The following GPHN variants were observed in gnomAD, a reference collection of about 807,000 sequenced individuals.
GPHN encodes gephyrin.
In GPHN, 17 loss-of-function variants were observed where a neutral mutation model predicts 95.5. The observed-to-expected ratio is 0.18, with a 90% CI of 0.12 to 0.27. The LOEUF (loss-of-function observed/expected upper bound fraction) is 0.27, where lower values mean the gene tolerates loss of function less well. GPHN is among the 10% of genes least tolerant of loss of function. GPHN has a pLI of 1.00. For synonymous variants in GPHN, 320 were observed against 322.5 expected, an observed-to-expected ratio of 0.99 and a Z score of 0.08; for missense variants, 660 against 978.1, an observed-to-expected ratio of 0.67 and a Z score of 4.34.
chr14:67,628,606 TTAACA>T, the GPHN span, among the ~76,000 whole-genome samples: 1 of 152,236 alleles, frequency 6.6e-6, no homozygotes, highest in East Asian at 1.9e-4. Flanking sequence ...TTTTTGATAC[TTAACA>T]TTTACCATCT....
intron 1 of GPHN, among the ~76,000 whole-genome samples, chr14:66,665,127 A>G (rs7158823): frequency 0.31 from 47,271 of 151,976 alleles, 11,172 homozygotes; most frequent in African/African-American, 0.64. Context: ...TCCCTAACTC[A>G]TTCTATGAGG....
chr14:66,709,545 G>A, intron 2 of GPHN: 1 of 368,578 alleles, frequency 2.7e-6, no homozygotes, highest in African/African-American at 2.1e-5. Context: ...GGAGTGGGAA[G>A]GTGTAAAATT....
chr14:66,862,424 C>T (rs1204179127), intron 4 of GPHN, among the ~76,000 whole-genome samples: 4 of 151,962 alleles, frequency 2.6e-5, no homozygotes, highest in Non-Finnish European at 5.9e-5. Context: ...GAACTAATAC[C>T]AATCTTACTC....
the GPHN span, among the ~76,000 whole-genome samples, chr14:67,667,467 T>C: frequency 3.9e-5 from 6 of 152,042 alleles, no homozygotes; most frequent in African/African-American, 1.4e-4. Flanking sequence ...CATCTGCAAA[T>C]AGGGACTATA....
intron 2 of GPHN, among the ~76,000 whole-genome samples, chr14:66,763,130 C>A (rs112267696): frequency 1.3e-5 from 2 of 151,956 alleles, no homozygotes; most frequent in African/African-American, 2.4e-5. Context: ...GGCTCCACAT[C>A]TGTGAATTCA....
chr14:67,532,223 A>G, the GPHN span, among the ~76,000 whole-genome samples: 1,650 of 152,292 alleles, frequency 0.011, 44 homozygotes, highest in African/African-American at 0.037. Flanking sequence ...TTAGAGATTC[A>G]GATTCAAACC....
the GPHN span, among the ~76,000 whole-genome samples, chr14:67,618,805 G>A: frequency 1.3e-5 from 2 of 152,186 alleles, no homozygotes; most frequent in African/African-American, 4.8e-5. Context: ...TAAACCAGCA[G>A]GGGGAGACAA....
chr14:66,858,051 A>C (rs1344149694), intron 4 of GPHN, among the ~76,000 whole-genome samples: 1 of 152,184 alleles, frequency 6.6e-6, no homozygotes, highest in Non-Finnish European at 1.5e-5. Context: ...CCACAGGCTA[A>C]AGTCCTTTGC....
At chr14:67,316,211 C>T in the GPHN span, among the ~76,000 whole-genome samples, 1 of 152,080 alleles carries the variant, frequency 6.6e-6, no homozygotes, top group African/African-American at 2.4e-5. Flanking sequence ...GAAAAGAAAA[C>T]CTCTTTCAAG....
rs755533851 is a variant in GPHN, at chr14:66,662,794, C to T, written c.65-18313C>T. Among the ~76,000 whole-genome samples the T allele has an allele frequency of 5.3e-5, 8 of 152,120 alleles. No homozygotes were observed. The East Asian group carries it at 5.8e-4, about 11-fold the overall frequency. On this transcript the variant is annotated intron_variant, in intron 1 of 22. Transcript: ENST00000478722. The stretch of plus-strand genomic sequence containing the variant: ...GAGAATAACGTAAGCAACCTGATAG[C>T]GCTGAAGAAAACAACAGAAGAAGTT...
intron 4 of GPHN, among the ~76,000 whole-genome samples, chr14:66,830,211 C>T (rs145836977): frequency 0.018 from 2,708 of 152,148 alleles, 38 homozygotes; most frequent in South Asian, 0.031. Flanking sequence ...TTTATTTTCT[C>T]ACTTTTACCT....
chr14:66,735,359 C>A (rs578051928), intron 2 of GPHN, among the ~76,000 whole-genome samples: 14 of 152,032 alleles, frequency 9.2e-5, no homozygotes, highest in Non-Finnish European at 1.6e-4. Flanking sequence ...GCAAGTACTA[C>A]AGGAAAATTA....
chr14:67,152,891 G>A (rs2153712009), intron 18 of GPHN, among the ~76,000 whole-genome samples: 1 of 152,154 alleles, frequency 6.6e-6, no homozygotes, highest in East Asian at 1.9e-4. Context: ...CTTAAACCAG[G>A]GAGTCAGAGG....
the GPHN span, among the ~76,000 whole-genome samples, chr14:67,661,892 A>C: frequency 6.6e-6 from 1 of 152,116 alleles, no homozygotes; most frequent in African/African-American, 2.4e-5. Context: ...ACGGTGGCTC[A>C]TGCCTTGTAA....
chr14:67,411,981 C>T, the GPHN span: 2 of 1,518,520 alleles, frequency 1.3e-6, no homozygotes. Context: ...GGCGGGGCCC[C>T]ACCCGGGCAA....
At chr14:66,736,441 C>T (rs1335105703) in intron 2 of GPHN, among the ~76,000 whole-genome samples, 4 of 147,746 alleles carry the variant, frequency 2.7e-5, no homozygotes, top group East Asian at 4.0e-4. Context: ...TCTTGTTGCC[C>T]GGGCTGGAGT....
the GPHN span, among the ~76,000 whole-genome samples, chr14:67,488,911 C>G: frequency 3.9e-5 from 6 of 152,306 alleles, no homozygotes; most frequent in Non-Finnish European, 8.8e-5. Flanking sequence ...GCTTTTTCCC[C>G]AGGAAAAACT....
chr14:66,751,772 A>T (rs538048922), intron 2 of GPHN, among the ~76,000 whole-genome samples: 75 of 152,182 alleles, frequency 4.9e-4, no homozygotes, highest in African/African-American at 1.7e-3. Context: ...ATTGGCTTCA[A>T]CTTAAAGTCA....
At chr14:67,572,022 C>A in the GPHN span, 2 of 1,473,788 alleles carry the variant, frequency 1.4e-6, no homozygotes, top group Non-Finnish European at 1.8e-6. Context: ...AGCAGCTCCA[C>A]CCCCAGCCCC....
Sources: allele counts gnomAD v4.1 joint callset (sites outside exome capture counted in the v4.1 genomes callset), GRCh38; gene constraint gnomAD v4.1.1; transcripts MANE v1.5; gene names NCBI Gene and HGNC (gene_info 2026-07-23, HGNC 2026-07-21).